Variants in PTPRN2 observed in about 807,000 individuals in gnomAD.
The protein encoded by PTPRN2 is protein tyrosine phosphatase receptor type N2.
In PTPRN2, 74 loss-of-function variants were observed where a neutral mutation model predicts 118.8. The ratio of observed to expected loss-of-function variants is 0.62; its 90% CI spans 0.52 to 0.76. The LOEUF (loss-of-function observed/expected upper bound fraction) is 0.76. Among genes scored for constraint, PTPRN2 ranks in the 30% least tolerant of loss-of-function variants. The pLI is 0.00. For missense variants in PTPRN2, 1,481 were observed against 1,394.4 expected (o/e 1.06, Z -0.99); for synonymous variants, 641 against 608.0 (o/e 1.05, Z -0.80).
intron 11 of PTPRN2, among the ~76,000 whole-genome samples, chr7:158,050,595 G>T (rs1192989308): frequency 6.6e-6 from 1 of 152,170 alleles, no homozygotes; most frequent in Non-Finnish European, 1.5e-5. Flanking sequence ...TCCCTCAGCT[G>T]CACACCCTCC....
chr7:157,952,995 G>A (rs1353818115), intron 11 of PTPRN2, among the ~76,000 whole-genome samples: 1 of 152,024 alleles, frequency 6.6e-6, no homozygotes, highest in African/African-American at 2.4e-5. Flanking sequence ...TGGCCCACAG[G>A]GTGAGCTATC....
chr7:157,701,543 C>T (rs1286311093), intron 12 of PTPRN2, among the ~76,000 whole-genome samples: 1 of 152,208 alleles, frequency 6.6e-6, no homozygotes, highest in Non-Finnish European at 1.5e-5. Context: ...CAGGGGGTGT[C>T]TGCTCCGGCA....
intron 11 of PTPRN2, among the ~76,000 whole-genome samples, chr7:157,973,327 A>C (rs73745047): frequency 4.6e-5 from 7 of 151,336 alleles, no homozygotes; most frequent in African/African-American, 1.7e-4. Context: ...AAACCTGCAG[A>C]TGTAAAATAA....
At chr7:157,907,033 G>T (rs904903104) in intron 11 of PTPRN2, among the ~76,000 whole-genome samples, 5 of 152,244 alleles carry the variant, frequency 3.3e-5, no homozygotes, top group African/African-American at 1.2e-4. Context: ...CTGTTGGAAA[G>T]GTTTGGAAGC....
chr7:158,352,438 G>C (rs1483469192), intron 2 of PTPRN2, among the ~76,000 whole-genome samples: 3 of 152,148 alleles, frequency 2.0e-5, no homozygotes, highest in Admixed American at 6.5e-5. Context: ...GATCAGCTTC[G>C]ATAGGCATTT....
At chr7:158,359,450 G>A (rs992470468) in intron 2 of PTPRN2, among the ~76,000 whole-genome samples, 9 of 152,096 alleles carry the variant, frequency 5.9e-5, no homozygotes, top group African/African-American at 1.2e-4. Context: ...TCGGCCAGCC[G>A]GGGGGACCCA....
At chr7:158,456,201 C>T (rs988630673) in intron 2 of PTPRN2, among the ~76,000 whole-genome samples, 10 of 146,812 alleles carry the variant, frequency 6.8e-5, no homozygotes, top group African/African-American at 1.0e-4. Flanking sequence ...CATAATGGCA[C>T]GGACGCCATT....
chr7:157,583,118 A>C lies in PTPRN2; in HGVS notation c.2497-4978T>G, dbSNP rs1429841043. ...TGGCTAAAGAAAATGTGGTATATAC[A>C]CAATGAAATATTATTCAGCCTTAAG... is the stretch of plus-strand genomic sequence containing the variant. On this transcript the variant is annotated intron_variant, in intron 17 of 22. Transcript: ENST00000389418. The surrounding 1 kb of genome is among the most constrained non-coding windows in gnomAD (Gnocchi z 5.5). 6.6e-6 allele frequency among the ~76,000 whole-genome samples: 1 copy of C among 152,172 alleles called. No homozygotes were observed. The highest frequency in any genetic ancestry group is 2.4e-5 in the African/African-American group (1 of 41,444).
At chr7:158,096,492 A>G (rs972813121) in intron 10 of PTPRN2, among the ~76,000 whole-genome samples, 1 of 152,242 alleles carries the variant, frequency 6.6e-6, no homozygotes, top group South Asian at 2.1e-4. Context: ...GCCACCTTTC[A>G]CTCAAACAGA....
chr7:157,561,053 T>G (rs1293099641), intron 21 of PTPRN2, among the ~76,000 whole-genome samples: 1 of 152,104 alleles, frequency 6.6e-6, no homozygotes, highest in Non-Finnish European at 1.5e-5. Context: ...CAGTTCCAGC[T>G]CCATTCCCTG....
chr7:158,513,034 C>T (rs745960870), intron 1 of PTPRN2, among the ~76,000 whole-genome samples: 1 of 152,194 alleles, frequency 6.6e-6, no homozygotes, highest in Non-Finnish European at 1.5e-5. Flanking sequence ...ACGCGTCACT[C>T]ACGAGTGTGG....
intron 12 of PTPRN2, among the ~76,000 whole-genome samples, chr7:157,719,631 G>A (rs966174664): frequency 8.5e-5 from 13 of 152,200 alleles, no homozygotes; most frequent in Non-Finnish European, 1.3e-4. Flanking sequence ...GAGCGCCCCC[G>A]GAGAGCAGGG....
intron 1 of PTPRN2, among the ~76,000 whole-genome samples, chr7:158,536,088 T>G (rs1281731248): frequency 6.6e-6 from 1 of 151,730 alleles, no homozygotes; most frequent in East Asian, 1.9e-4. Context: ...TTTAGTTTTG[T>G]TGTGGATGTT....
chr7:158,024,230 G>A (rs1807107463), intron 11 of PTPRN2, among the ~76,000 whole-genome samples: 1 of 152,186 alleles, frequency 6.6e-6, no homozygotes, highest in Non-Finnish European at 1.5e-5. Flanking sequence ...AGTCCTCACT[G>A]CTATTCAGCA....
intron 3 of PTPRN2, among the ~76,000 whole-genome samples, chr7:158,314,251 G>C (rs371542771): frequency 6.6e-6 from 1 of 152,166 alleles, no homozygotes. Flanking sequence ...CCACTCGCAC[G>C]TCCAGCCATC....
intron 11 of PTPRN2, among the ~76,000 whole-genome samples, chr7:157,914,597 C>G (rs1798291484): frequency 6.8e-6 from 1 of 147,350 alleles, no homozygotes; most frequent in Non-Finnish European, 1.5e-5. Flanking sequence ...CTCAATGTAG[C>G]TACCTTTTTT....
intron 11 of PTPRN2, among the ~76,000 whole-genome samples, chr7:158,021,855 T>G (rs1033472523): frequency 6.6e-6 from 1 of 152,236 alleles, no homozygotes; most frequent in African/African-American, 2.4e-5. Context: ...TAAAACTTTA[T>G]TTACTAAAAC....
At chr7:158,470,326 T>C (rs759845742) in intron 2 of PTPRN2, among the ~76,000 whole-genome samples, 5 of 152,306 alleles carry the variant, frequency 3.3e-5, no homozygotes, top group Admixed American at 6.5e-5. Flanking sequence ...TTGTTGCTTG[T>C]TTTTATTTTT....
At chr7:157,604,728 T>A (rs765518324) in intron 15 of PTPRN2, among the ~76,000 whole-genome samples, 5 of 152,168 alleles carry the variant, frequency 3.3e-5, no homozygotes, top group Non-Finnish European at 7.4e-5. Flanking sequence ...GAGACTGGCA[T>A]AAAAACTCGC....
Sources: allele counts gnomAD v4.1 joint callset (sites outside exome capture counted in the v4.1 genomes callset), GRCh38; gene constraint gnomAD v4.1.1; non-coding constraint Gnocchi (gnomAD v3.1); transcripts MANE v1.5; gene names NCBI Gene and HGNC (gene_info 2026-07-23, HGNC 2026-07-21).